AGAP3: variants seen among roughly 807,000 people sequenced by gnomAD.
AGAP3 encodes the protein arf-GAP with GTPase, ANK repeat and PH domain-containing protein 3.
A neutral mutation model predicts 96.9 loss-of-function variants in AGAP3; 24 were observed. That is an observed-to-expected ratio of 0.25 (90% confidence interval 0.18 to 0.35). The LOEUF (loss-of-function observed/expected upper bound fraction) is 0.35. Among genes scored for constraint, AGAP3 ranks in the 10% least tolerant of loss-of-function variants. The probability of loss-of-function intolerance (pLI) is 1.00; values close to 1 mark genes in which losing one functional copy is unlikely to be tolerated. For synonymous variants in AGAP3, 563 were observed against 536.1 expected (o/e 1.05, Z -0.69); for missense variants, 876 against 1,254.2 (o/e 0.70, Z 4.55).
At position 151,134,400 on chromosome 7, in the gene AGAP3, G is replaced by A. The variant is rs754755172; in HGVS notation, c.1327G>A (p.Asp443Asn). Residue 443 changes from aspartate (D) to asparagine (N), a missense_variant and splice_region_variant, in exon 11 of 18, where the codon GAT becomes AAT. Coordinates refer to ENST00000397238, the MANE Select transcript of AGAP3 (RefSeq NM_031946.7). Reference protein sequence around the residue: ...GLLTYHPSLHDYMQNIHGKEI... With the variant: ...GLLTYHPSLHNYMQNIHGKEI... Reference sequence around the variant, plus strand: ...TCTGTCTCTCCCACCCGGCCTGCAGGATTACATGCAGAACATCCACGGCAA... The same window carrying A: ...TCTGTCTCTCCCACCCGGCCTGCAGAATTACATGCAGAACATCCACGGCAA... 3.7e-6 allele frequency: 6 copies of A among 1,613,674 alleles called. No homozygotes were observed. In the South Asian group the frequency reaches 4.4e-5, roughly 12 times the overall value.
intron 1 of AGAP3, among the ~76,000 whole-genome samples, chr7:151,091,202 G>A (rs1798384996): frequency 6.6e-6 from 1 of 152,220 alleles, no homozygotes; most frequent in South Asian, 2.1e-4. Context: ...ACACTGCTGA[G>A]GTTCCCTTCA....
chr7:151,134,361 C>A, intron 10 of AGAP3, 39 bp from the exon 11 acceptor site: 1 of 1,608,494 alleles, frequency 6.2e-7, no homozygotes, highest in South Asian at 1.1e-5. Context: ...GTGACTGCTG[C>A]TAACCAGTCT....
intron 5 of AGAP3, chr7:151,117,979 G>A (rs1799678586): frequency 3.4e-6 from 3 of 894,406 alleles, no homozygotes; most frequent in African/African-American, 1.7e-5. Context: ...TGACTAGCAG[G>A]TCTGTGTTTT....
chr7:151,122,562 T>TGTCCTTCTCCTCTTCCTC (rs905617864), intron 8 of AGAP3, among the ~76,000 whole-genome samples: 1 of 151,136 alleles, frequency 6.6e-6, no homozygotes, highest in Admixed American at 6.6e-5. Flanking sequence ...TCCTCCTCCT[T>TGTCCTTCTCCTCTTCCTC]GTCCTTCTCC....
In AGAP3 at chr7:151,142,179, A is replaced by G; in HGVS notation, c.1976A>G (p.Gln659Arg). The part of the protein sequence containing the change: ...SAKDKTRLGN[Q>R]NAALAVQAVR... Reference sequence around the variant, plus strand: ...GTGCGACAGACTCGACTGGGGAACCAGAACGCAGCTCTGGCTGTGCAGGCC... The same window carrying G: ...GTGCGACAGACTCGACTGGGGAACCGGAACGCAGCTCTGGCTGTGCAGGCC... The change falls in exon 15 of 18, where the codon CAG becomes CGG. Residue 659 changes from glutamine (Q) to arginine (R), a missense_variant. Gln to Arg is a conservative substitution (Grantham distance 43). Around this residue, in one of 8 missense-constraint regions of AGAP3, gnomAD observed 103 missense variants for 183.0 expected, o/e 0.56. Coordinates refer to ENST00000397238, the MANE Select transcript of AGAP3 (RefSeq NM_031946.7). The surrounding 1 kb of genome is among the most constrained non-coding windows in gnomAD (Gnocchi z 7.5). The G allele has an allele frequency of 6.2e-7, 1 of 1,613,876 alleles. No individual in the cohort carries two copies. Among genetic ancestry groups the G allele is most frequent in the Non-Finnish European group, 8.5e-7 (1 of 1,179,978 alleles).
intron 10 of AGAP3, among the ~76,000 whole-genome samples, chr7:151,132,810 G>A (rs1237414486): frequency 1.3e-5 from 2 of 152,210 alleles, no homozygotes; most frequent in East Asian, 1.9e-4. Flanking sequence ...GTGACTCCTT[G>A]TCTACCTGAT....
At position 151,139,679 on chromosome 7, in the gene AGAP3, T is replaced by C. The variant is rs1444901298; in HGVS notation, c.1667-300T>C. 7.5e-6 allele frequency: 2 copies of C among 265,766 alleles called. No homozygotes were observed. The highest frequency in any genetic ancestry group is 1.4e-5 in the Non-Finnish European group (2 of 141,850). 16.5% of individuals were successfully genotyped at this position (265,766 alleles called of 1,614,324 possible). A position where few individuals can be genotyped will look rare whatever the true frequency, so the allele number is the denominator to read the frequency against. ...GAGCTGCTGGGGCTTCAGCTCCCCG[T>C]GAGTTCCCTGGGCTGCCTTCCACCC... On this transcript the variant is annotated intron_variant, in intron 12 of 17. Transcript: ENST00000397238. This position sits in a 1 kb window ranked among gnomAD's most constrained non-coding sequence, Gnocchi z 4.9.
At chr7:151,086,224 G>A (rs1188095526), upstream of AGAP3, among the ~76,000 whole-genome samples, 3 of 152,086 alleles carry the variant, frequency 2.0e-5, no homozygotes, top group Admixed American at 6.5e-5. Context: ...GCGGGTGGGG[G>A]CTGGTGAGGA....
At chr7:151,117,846 G>A in intron 5 of AGAP3, 69 bp downstream of exon 5, 1 of 1,518,708 alleles carries the variant, frequency 6.6e-7, no homozygotes, top group South Asian at 1.3e-5. Context: ...GGGGGCAGGG[G>A]TGGGCAGGTG....
chr7:151,115,562 C>T, intron 1 of AGAP3: 1 of 1,130,592 alleles, frequency 8.8e-7, no homozygotes, highest in Non-Finnish European at 1.1e-6. Context: ...GCCGCTTCCG[C>T]CGGAGGGAGC....
intron 11 of AGAP3, 88 bp downstream of exon 11, chr7:151,134,656 C>T (rs1032291653): frequency 5.2e-6 from 7 of 1,357,962 alleles, no homozygotes; most frequent in Non-Finnish European, 7.1e-6. Context: ...GCTTCTCAGC[C>T]TGGGCACAGG....
intron 9 of AGAP3, among the ~76,000 whole-genome samples, chr7:151,126,135 TCGCCTC>T (rs1800156955): frequency 1.3e-5 from 2 of 151,350 alleles, no homozygotes; most frequent in African/African-American, 4.8e-5. Flanking sequence ...AGCGGCTCCC[TCGCCTC>T]CGCCTGGGGA....
At chr7:151,122,614 C>T in intron 8 of AGAP3, 1 of 1,264,338 alleles carries the variant, frequency 7.9e-7, no homozygotes, top group Non-Finnish European at 1.1e-6. Context: ...CCTCTTCATC[C>T]CGCTGCCGCC....
At chr7:151,127,491 C>G (rs1273578411) in intron 9 of AGAP3, among the ~76,000 whole-genome samples, 1 of 152,172 alleles carries the variant, frequency 6.6e-6, no homozygotes, top group Admixed American at 6.5e-5. Context: ...CCCTCTTCCC[C>G]CTATGCTATT....
At position 151,115,094 on chromosome 7, in the gene AGAP3, G is replaced by T; in HGVS notation, c.332-1699G>T. 2.9e-6 allele frequency: 3 copies of T among 1,028,716 alleles called. No individual in the cohort carries two copies. In the South Asian group the frequency reaches 1.0e-4, roughly 35 times the overall value. The allele number at this position is 1,028,716 out of a possible 1,614,324, so 63.7% of individuals were successfully genotyped here. ...CCAGCCCCGCGTCCAGCCCCGCGCC[G>T]ACCCGGCGCAGCCGCACCCGCGGGG... On this transcript the variant is annotated intron_variant, in intron 1 of 17. Transcript: ENST00000397238.
In AGAP3 at chr7:151,114,453, C is replaced by T. The variant is rs1211568962; in HGVS notation, c.332-2340C>T. Among the ~76,000 whole-genome samples, 1 of 152,212 alleles carries T rather than the reference C, an allele frequency of 6.6e-6. No individual in the cohort carries two copies. The highest frequency in any genetic ancestry group is 1.9e-4 in the East Asian group (1 of 5,178). ...ACAGCTCCTCACCTACCTGCCGGAT[C>T]CTAGGAGGCGCCCTGGGCTGGAATT... On this transcript the variant is annotated intron_variant, in intron 1 of 17. Transcript: ENST00000397238. The surrounding 1 kb of genome is among the most constrained non-coding windows in gnomAD (Gnocchi z 4.4).
chr7:151,129,346 C>T (rs1461484923), intron 10 of AGAP3, among the ~76,000 whole-genome samples: 1 of 152,140 alleles, frequency 6.6e-6, no homozygotes, highest in Non-Finnish European at 1.5e-5. Flanking sequence ...CCCACTGCCC[C>T]GCCCCGGCCC....
chr7:151,091,450 C>T (rs918096368), intron 1 of AGAP3, among the ~76,000 whole-genome samples: 49 of 152,324 alleles, frequency 3.2e-4, no homozygotes, highest in African/African-American at 1.0e-3. Flanking sequence ...TCCTACTGTG[C>T]GGCCCAGTTG....
chr7:151,132,801 T>TGAA (rs1800449950), intron 10 of AGAP3, among the ~76,000 whole-genome samples: 1 of 152,210 alleles, frequency 6.6e-6, no homozygotes, highest in Admixed American at 6.5e-5. Flanking sequence ...TGGGACCAGG[T>TGAA]GACTCCTTGT....
Sources: gnomAD v4.1 joint callset for allele counts (sites outside exome capture counted in the v4.1 genomes callset) on GRCh38, gnomAD v4.1.1 for gene constraint, gnomAD v4.1.1 regional missense constraint, Gnocchi (gnomAD v3.1) non-coding constraint, MANE v1.5 for transcripts, NCBI Gene and HGNC (gene_info 2026-07-23, HGNC 2026-07-21) for gene names.